Variants in ATRNL1 observed in about 807,000 individuals in gnomAD.
ATRNL1 encodes attractin like 1.
A neutral mutation model predicts 182.7 loss-of-function variants in ATRNL1; 95 were observed. The ratio of observed to expected loss-of-function variants is 0.52; its 90% CI spans 0.44 to 0.62. ATRNL1 has a LOEUF of 0.62. Ranked by LOEUF, ATRNL1 falls within the 20% of genes least tolerant of loss-of-function variation. The pLI is 0.00. For synonymous variants in ATRNL1, 576 were observed against 568.3 expected, an observed-to-expected ratio of 1.01 and a Z score of -0.19; for missense variants, 1,471 against 1,679.5, an observed-to-expected ratio of 0.88 and a Z score of 2.17.
chr10:115,672,419 T>G (rs1945725838), intron 26 of ATRNL1, among the ~76,000 whole-genome samples: 1 of 152,120 alleles, frequency 6.6e-6, no homozygotes, highest in South Asian at 2.1e-4. Flanking sequence ...TAGAAGCATC[T>G]CCTGTTAATT....
At chr10:115,825,043 T>G (rs1950396011) in intron 27 of ATRNL1, among the ~76,000 whole-genome samples, 1 of 152,064 alleles carries the variant, frequency 6.6e-6, no homozygotes, top group Non-Finnish European at 1.5e-5. Flanking sequence ...ATATACACCA[T>G]GGAATACTAT....
intron 19 of ATRNL1, among the ~76,000 whole-genome samples, chr10:115,385,218 G>A (rs547911342): frequency 3.9e-5 from 6 of 151,960 alleles, no homozygotes; most frequent in South Asian, 2.1e-4. Flanking sequence ...ATTTAGTGTC[G>A]TCAACCTTTT....
chr10:115,701,617 A>G (rs1434487796), intron 26 of ATRNL1, among the ~76,000 whole-genome samples: 1 of 152,026 alleles, frequency 6.6e-6, no homozygotes, highest in African/African-American at 2.4e-5. Context: ...CAAAGATGAT[A>G]TTACAGCCAA....
chr10:115,599,682 C>T (rs1689011627), intron 26 of ATRNL1, among the ~76,000 whole-genome samples: 1 of 152,022 alleles, frequency 6.6e-6, no homozygotes, highest in African/African-American at 2.4e-5. Flanking sequence ...GTGCAAAAGG[C>T]AAATGGAAAT....
At chr10:115,885,081 A>G (rs547138231) in intron 28 of ATRNL1, among the ~76,000 whole-genome samples, 1 of 152,358 alleles carries the variant, frequency 6.6e-6, no homozygotes, top group South Asian at 2.1e-4. Context: ...TTATCCCATA[A>G]TTACATCTTT....
At chr10:115,908,489 T>C (rs1952569670) in intron 28 of ATRNL1, among the ~76,000 whole-genome samples, 1 of 152,154 alleles carries the variant, frequency 6.6e-6, no homozygotes, top group Non-Finnish European at 1.5e-5. Flanking sequence ...TCTGCCTCCC[T>C]CTTCCCCTTT....
At chr10:115,166,076 C>T (rs1414352555) in intron 7 of ATRNL1, among the ~76,000 whole-genome samples, 1 of 152,028 alleles carries the variant, frequency 6.6e-6, no homozygotes. Flanking sequence ...TTCCCTTATC[C>T]TCTTGAAACC....
intron 27 of ATRNL1, among the ~76,000 whole-genome samples, chr10:115,736,849 C>T (rs180754134): frequency 0.024 from 3,658 of 152,212 alleles, 75 homozygotes; most frequent in Non-Finnish European, 0.037. Context: ...CTCACTACAA[C>T]CTCTGCCTCG....
Position 115,529,478 on chromosome 10 carries a change from C to T in ATRNL1, c.3716+10154C>T, listed in dbSNP as rs745440219. On this transcript the variant is annotated intron_variant, in intron 25 of 28. Transcript: ENST00000355044. ...AAATGGAAATTTTCTTTTTTCTTCT[C>T]TTCTGATTTTTATTAATTGAATGAG... 3.3e-5 allele frequency among the ~76,000 whole-genome samples: 5 copies of T among 151,230 alleles called. 1 individual carries two copies. The South Asian group carries it at 8.4e-4, about 25-fold the overall frequency.
At chr10:115,395,524 T>A (rs1240189550) in intron 20 of ATRNL1, among the ~76,000 whole-genome samples, 1 of 151,894 alleles carries the variant, frequency 6.6e-6, no homozygotes, top group Non-Finnish European at 1.5e-5. Context: ...TACACTTTTC[T>A]TTCATATTAT....
chr10:115,200,997 C>T (rs1265039080), intron 8 of ATRNL1, among the ~76,000 whole-genome samples: 2 of 151,006 alleles, frequency 1.3e-5, no homozygotes, highest in African/African-American at 4.9e-5. Flanking sequence ...AGCATTTTTT[C>T]ATGTGTCTTT....
intron 27 of ATRNL1, among the ~76,000 whole-genome samples, chr10:115,732,796 T>G (rs967146341): frequency 5.3e-5 from 8 of 152,238 alleles, no homozygotes; most frequent in African/African-American, 1.9e-4. Context: ...CCTTAATATA[T>G]CTATAGAATT....
chr10:115,810,183 A>G (rs1293526679), intron 27 of ATRNL1, among the ~76,000 whole-genome samples: 2 of 151,850 alleles, frequency 1.3e-5, no homozygotes, highest in African/African-American at 4.8e-5. Context: ...GCTAGATTCA[A>G]TTTGCCAATT....
intron 25 of ATRNL1, among the ~76,000 whole-genome samples, chr10:115,548,440 A>G (rs1168984239): frequency 1.3e-5 from 2 of 152,198 alleles, no homozygotes; most frequent in African/African-American, 2.4e-5. Flanking sequence ...GATGAACACA[A>G]TGATTAAGGA....
In ATRNL1 at chr10:115,211,101, G is replaced by T. The variant is rs533334478; in HGVS notation, c.1349-4596G>T. On this transcript the variant is annotated intron_variant, in intron 8 of 28. Coordinates refer to ENST00000355044, the MANE Select transcript of ATRNL1 (RefSeq NM_207303.4). ...GTTTTAGGGTACATGTGCACATTGTGCAGGTTAGTTACATATGTATACATG... is the reference window on the plus strand; with the variant it reads ...GTTTTAGGGTACATGTGCACATTGTTCAGGTTAGTTACATATGTATACATG... Among the ~76,000 whole-genome samples, 8 of 149,028 alleles carry T rather than the reference G, an allele frequency of 5.4e-5. No individual in the cohort carries two copies. The South Asian group carries it at 1.7e-3, about 31-fold the overall frequency.
intron 26 of ATRNL1, among the ~76,000 whole-genome samples, chr10:115,724,446 G>T (rs1210092791): frequency 1.3e-5 from 2 of 152,120 alleles, no homozygotes; most frequent in African/African-American, 2.4e-5. Context: ...CATTATAATT[G>T]TACCAATTAG....
rs570288529 is a variant in ATRNL1, at chr10:115,313,720, T to G, written c.2819-1798T>G. Among the ~76,000 whole-genome samples, 4 of 152,326 alleles carry G rather than the reference T, an allele frequency of 2.6e-5. No individual in the cohort carries two copies. The East Asian group carries it at 5.8e-4, about 22-fold the overall frequency. ...GATAGTTTTAAAATAAAACTTACTTTCTTAGGAAATACCTGTATAACAATA... is the reference window on the plus strand; with the variant it reads ...GATAGTTTTAAAATAAAACTTACTTGCTTAGGAAATACCTGTATAACAATA... On this transcript the variant is annotated intron_variant, in intron 17 of 28. Transcript: ENST00000355044.
At chr10:115,526,084 C>A (rs1851201705) in intron 25 of ATRNL1, among the ~76,000 whole-genome samples, 1 of 152,166 alleles carries the variant, frequency 6.6e-6, no homozygotes, top group Admixed American at 6.5e-5. Context: ...TGTCTTCCAG[C>A]ATAACGAAAT....
intron 26 of ATRNL1, among the ~76,000 whole-genome samples, chr10:115,682,709 C>T (rs1593060816): frequency 2.0e-5 from 3 of 149,384 alleles, no homozygotes; most frequent in Admixed American, 2.0e-4. Flanking sequence ...GATAGAAGAG[C>T]CAGCCAGTTC....
Sources: gnomAD v4.1 joint callset for allele counts (sites outside exome capture counted in the v4.1 genomes callset) on GRCh38, gnomAD v4.1.1 for gene constraint, MANE v1.5 for transcripts, NCBI Gene and HGNC (gene_info 2026-07-23, HGNC 2026-07-21) for gene names.